The following DNAJC1 variants were observed in gnomAD, a reference collection of about 807,000 sequenced individuals.
DNAJC1 encodes dnaJ homolog subfamily C member 1.
Under a neutral mutation model 76.6 loss-of-function variants are expected in DNAJC1, and 58 were observed. The observed-to-expected ratio is 0.76, with a 90% CI of 0.61 to 0.94. The LOEUF is 0.94. Ranked by LOEUF, DNAJC1 falls within the 40% of genes least tolerant of loss-of-function variation. The pLI is 0.00. For synonymous variants in DNAJC1, 258 were observed against 267.9 expected (o/e 0.96, Z 0.36); for missense variants, 689 against 677.3 (o/e 1.02, Z -0.19).
chr10:21,806,195 G>A (rs1305695297), intron 8 of DNAJC1, 96 bp from the exon 9 acceptor site: 3 of 1,343,218 alleles, frequency 2.2e-6, no homozygotes, highest in Non-Finnish European at 3.0e-6. Flanking sequence ...TAATTGCTGT[G>A]AAGCAAATTA....
intron 8 of DNAJC1, among the ~76,000 whole-genome samples, chr10:21,834,845 G>C (rs915700945): frequency 3.9e-5 from 6 of 152,166 alleles, no homozygotes; most frequent in African/African-American, 1.4e-4. Flanking sequence ...GAACAGGGTG[G>C]AGCCCACCAC....
intron 9 of DNAJC1, among the ~76,000 whole-genome samples, chr10:21,784,782 G>C (rs532027721): frequency 2.0e-5 from 3 of 151,986 alleles, no homozygotes; most frequent in Non-Finnish European, 4.4e-5. Flanking sequence ...CCATCATTCC[G>C]AGCAAACTAT....
At chr10:21,840,016 A>G (rs1487679715) in intron 8 of DNAJC1, among the ~76,000 whole-genome samples, 2 of 152,232 alleles carry the variant, frequency 1.3e-5, no homozygotes, top group Non-Finnish European at 2.9e-5. Flanking sequence ...GATTATCTCA[A>G]TAGATGCAGA....
chr10:21,799,321 CAG>C (rs1001647599), intron 9 of DNAJC1, among the ~76,000 whole-genome samples: 1 of 151,924 alleles, frequency 6.6e-6, no homozygotes, highest in African/African-American at 2.4e-5. Context: ...TGTTTTGAGA[CAG>C]GGGCTCACTC....
chr10:21,950,173 C>T (rs1420715022), intron 1 of DNAJC1, among the ~76,000 whole-genome samples: 4 of 152,048 alleles, frequency 2.6e-5, no homozygotes, highest in African/African-American at 7.2e-5. Context: ...AGGTTTGTGG[C>T]AATCCTGAGC....
intron 8 of DNAJC1, among the ~76,000 whole-genome samples, chr10:21,844,189 T>C (rs1479583967): frequency 6.6e-6 from 1 of 152,170 alleles, no homozygotes; most frequent in Non-Finnish European, 1.5e-5. Context: ...ATGTCTTTAT[T>C]AGCAGCATGA....
chr10:21,864,359 T>A (rs911376147), intron 8 of DNAJC1, among the ~76,000 whole-genome samples: 1 of 151,966 alleles, frequency 6.6e-6, no homozygotes, highest in South Asian at 2.1e-4. Flanking sequence ...CAGTGGCTCA[T>A]GCCTGTAATC....
chr10:21,898,791 A>G (rs949870176), intron 7 of DNAJC1, among the ~76,000 whole-genome samples: 1 of 151,914 alleles, frequency 6.6e-6, no homozygotes, highest in African/African-American at 2.4e-5. Flanking sequence ...GCCAGAATAT[A>G]CTATACTTCC....
intron 8 of DNAJC1, among the ~76,000 whole-genome samples, chr10:21,861,262 T>C (rs1043879428): frequency 1.3e-5 from 2 of 151,994 alleles, no homozygotes; most frequent in Non-Finnish European, 2.9e-5. Context: ...GAAAAGAGTA[T>C]AGAACTGCAT....
At chr10:21,955,874 C>A (rs1167008418) in intron 1 of DNAJC1, among the ~76,000 whole-genome samples, 1 of 152,094 alleles carries the variant, frequency 6.6e-6, no homozygotes, top group African/African-American at 2.4e-5. Flanking sequence ...TGTCTTTGTC[C>A]ATCTGTTTTG....
chr10:21,871,004 C>A (rs180704089), intron 8 of DNAJC1, among the ~76,000 whole-genome samples: 1 of 151,994 alleles, frequency 6.6e-6, no homozygotes, highest in Non-Finnish European at 1.5e-5. Context: ...TTGTTCTGTC[C>A]TGTTTGGTAC....
At chr10:21,767,994 T>TAAAA (rs879786263) in intron 9 of DNAJC1, among the ~76,000 whole-genome samples, 2 of 146,006 alleles carry the variant, frequency 1.4e-5, no homozygotes, top group African/African-American at 5.0e-5. Flanking sequence ...GACTCCATCT[T>TAAAA]AAAAAAAAAA....
At chr10:21,873,805 T>C (rs944629257) in intron 8 of DNAJC1, among the ~76,000 whole-genome samples, 1 of 152,208 alleles carries the variant, frequency 6.6e-6, no homozygotes, top group Non-Finnish European at 1.5e-5. Flanking sequence ...ACTACAAATC[T>C]AGGTTGATGA....
chr10:21,926,950 C>T (rs139257948), intron 3 of DNAJC1, among the ~76,000 whole-genome samples: 39 of 152,140 alleles, frequency 2.6e-4, no homozygotes, highest in African/African-American at 8.4e-4. Flanking sequence ...AAAGAAATTA[C>T]AAAGTTTATT....
chr10:21,763,606 T>A (rs1834265318), intron 10 of DNAJC1, among the ~76,000 whole-genome samples: 1 of 151,854 alleles, frequency 6.6e-6, no homozygotes. Flanking sequence ...AAGAATTTAT[T>A]TATTTATTTG....
At chr10:21,812,667 A>T (rs1834987145) in intron 8 of DNAJC1, among the ~76,000 whole-genome samples, 2 of 152,076 alleles carry the variant, frequency 1.3e-5, no homozygotes, top group African/African-American at 4.8e-5. Flanking sequence ...CCTGGGCTCA[A>T]GTGATCCTCC....
intron 8 of DNAJC1, among the ~76,000 whole-genome samples, chr10:21,874,973 C>T (rs113765799): frequency 5.0e-3 from 768 of 152,138 alleles, no homozygotes; most frequent in South Asian, 0.017. Context: ...CTCTGCCTCC[C>T]GGGTTCAAGC....
rs564225856 is a variant in DNAJC1, at chr10:21,799,117, T to C, written c.1098+6863A>G. Among the ~76,000 whole-genome samples, 4 of 152,304 alleles carry C rather than the reference T, an allele frequency of 2.6e-5. No individual in the cohort carries two copies. In the East Asian group the frequency reaches 7.7e-4, roughly 29 times the overall value. On this transcript the variant is annotated intron_variant, in intron 9 of 11. Coordinates refer to ENST00000376980, the MANE Select transcript of DNAJC1 (RefSeq NM_022365.4). The stretch of plus-strand genomic sequence containing the variant: ...TGTAAAACATATAAAATGTTTAAAA[T>C]ATAAAAAACCATCATGTAAGATATT...
intron 6 of DNAJC1, among the ~76,000 whole-genome samples, chr10:21,908,675 C>G (rs1836800125): frequency 6.6e-6 from 1 of 151,830 alleles, no homozygotes; most frequent in African/African-American, 2.4e-5. Flanking sequence ...CTTACAGAAG[C>G]TTAATAAATA....
Sources: gnomAD v4.1 joint callset for allele counts (sites outside exome capture counted in the v4.1 genomes callset) on GRCh38, gnomAD v4.1.1 for gene constraint, MANE v1.5 for transcripts, NCBI Gene and HGNC (gene_info 2026-07-23, HGNC 2026-07-21) for gene names.